Variants in ZNF615 observed in about 807,000 individuals in gnomAD.
ZNF615 encodes the protein zinc finger protein 615.
A neutral mutation model predicts 15.3 loss-of-function variants in ZNF615; 15 were observed. The observed-to-expected ratio is 0.98, with a 90% CI of 0.66 to 1.51. The LOEUF (loss-of-function observed/expected upper bound fraction) is 1.51, where lower values mean the gene tolerates loss of function less well. Among genes scored for constraint, ZNF615 ranks in the 40% most tolerant of loss-of-function variants. The pLI, the probability that ZNF615 is intolerant of heterozygous loss-of-function variation, is 0.00. For missense variants in ZNF615, 848 were observed against 895.9 expected, an observed-to-expected ratio of 0.95 and a Z score of 0.68; for synonymous variants, 268 against 294.6, an observed-to-expected ratio of 0.91 and a Z score of 0.92.
At chr19:52,000,927 C>CAAAAA (rs1246526606) in intron 5 of ZNF615, among the ~76,000 whole-genome samples, 1 of 137,700 alleles carries the variant, frequency 7.3e-6, no homozygotes, top group Non-Finnish European at 1.6e-5. Context: ...ACCTTCTTTC[C>CAAAAA]AAAAAAAAAA....
At chr19:51,995,059 A>G (rs796757341) in intron 6 of ZNF615, among the ~76,000 whole-genome samples, 1 of 152,194 alleles carries the variant, frequency 6.6e-6, no homozygotes, top group East Asian at 1.9e-4. Flanking sequence ...GGGCAGTTTT[A>G]TAGCATTTGG....
At chr19:51,996,407 A>AAC (rs1568500215) in intron 6 of ZNF615, among the ~76,000 whole-genome samples, 21 of 138,358 alleles carry the variant, frequency 1.5e-4, no homozygotes, top group South Asian at 2.7e-4. Flanking sequence ...AAAAAAAAAA[A>AAC]ACGCAAAACT....
rs764758776 is a variant in ZNF615, at chr19:51,994,078, G to A, written c.1031C>T (p.Thr344Ile). ...TTCTCCTGTATGAGTTTTCTGATGT[G>A]TAGTGAGACTGAACTTTGTAGAGAA... ...KAFSTKFSLT[T>I]HQKTHTGEKP... is the part of the protein sequence containing the mutation. The change falls in exon 7 of 7, where the codon ACA (threonine) becomes ATA (isoleucine). Residue 344 changes from threonine to isoleucine, a missense_variant. Transcript: ENST00000598071. 108 of 1,613,842 alleles carry A rather than the reference G, an allele frequency of 6.7e-5. No homozygotes were observed. Among genetic ancestry groups the A allele is most frequent in the Non-Finnish European group, 8.6e-5 (102 of 1,179,992 alleles).
Position 52,001,824 on chromosome 19 carries a change from C to G in ZNF615, c.227G>C (p.Arg76Pro). 1 of 1,613,938 alleles carries G rather than the reference C, an allele frequency of 6.2e-7. No individual in the cohort carries two copies. The highest frequency in any genetic ancestry group is 8.5e-7 in the Non-Finnish European group (1 of 1,179,928). Residue 76 changes from arginine to proline, a missense_variant, in exon 5 of 7, where the codon CGA becomes CCA. Physicochemically the swap from Arg to Pro is moderately radical, Grantham distance 103. Coordinates refer to ENST00000598071, the MANE Select transcript of ZNF615 (RefSeq NM_001199324.2). ...CTCCTCTCACTCACCAGAACAGATT[C>G]GAGAGTAGATTTCATCTTCTGTTGT... ...TCTTEDEIYS[R>P]ICSDSGGASG...
At chr19:52,001,980 A>G (rs2304144) in intron 4 of ZNF615, 72 bp from the exon 5 acceptor site, 133,679 of 1,600,290 alleles carry the variant, frequency 0.084, 7,687 homozygotes, top group South Asian at 0.22. Flanking sequence ...GGAGAGTTAC[A>G]TTTTAAGGAC....
intron 5 of ZNF615, 181 bp downstream of exon 5, chr19:52,001,632 A>AGG: frequency 1.7e-6 from 1 of 573,362 alleles, no homozygotes; most frequent in South Asian, 2.2e-5. Flanking sequence ...AAAAAAAAAA[A>AGG]AAAGAAAAGA....
chr19:52,005,222 G>A (rs1320799230), intron 2 of ZNF615, among the ~76,000 whole-genome samples: 3 of 152,152 alleles, frequency 2.0e-5, no homozygotes, highest in Admixed American at 1.3e-4. Flanking sequence ...TTGTGCCATT[G>A]CACTCCAGCC....
At chr19:51,994,900 A>AT in intron 6 of ZNF615, 63 bp from the exon 7 acceptor site, 1 of 1,448,656 alleles carries the variant, frequency 6.9e-7, no homozygotes, top group East Asian at 2.4e-5. Context: ...TATTTAAACT[A>AT]TTTTTTAAAA....
intron 2 of ZNF615, among the ~76,000 whole-genome samples, chr19:52,006,215 A>G (rs1426086787): frequency 1.3e-5 from 2 of 152,226 alleles, no homozygotes; most frequent in Non-Finnish European, 2.9e-5. Context: ...TAGTTCAGTA[A>G]TATAAGTTTA....
rs752854015 is a variant in ZNF615 at position 51,994,500 on chromosome 19, A to T, written c.609T>A (p.Ile203=). The T allele has an allele frequency of 9.3e-6, 15 of 1,614,080 alleles. No homozygotes were observed. In the East Asian group the frequency reaches 3.3e-4, roughly 36 times the overall value. ...CTATGTTGTGAGTTCTCTGTTGCTT[A>T]ATGAACTGGGACTTATTAATAGGTT... ...IAKPINKSQF[I]KQQRTHNIEN... is the part of the protein sequence containing the mutation. Residue 203 remains isoleucine, a synonymous_variant, in exon 7 of 7, where the codon ATT becomes ATA. Coordinates refer to ENST00000598071, the MANE Select transcript of ZNF615 (RefSeq NM_001199324.2).
rs377012505 is a variant in ZNF615, at chr19:52,003,749, G to T, written c.-38C>A. 1.2e-6 allele frequency: 2 copies of T among 1,609,756 alleles called. No homozygotes were observed. The highest frequency in any genetic ancestry group is 1.7e-6 in the Non-Finnish European group (2 of 1,178,192). On this transcript the variant is annotated 5_prime_UTR_variant, in exon 3 of 7. Transcript: ENST00000598071. Reference sequence around the variant, plus strand: ...TTGGGAAATGACTGCTAACTTGGACGTTCTGTATTTGTCTCTTCTGAATCA... The same window carrying T: ...TTGGGAAATGACTGCTAACTTGGACTTTCTGTATTTGTCTCTTCTGAATCA...
At chr19:52,000,405 T>A (rs58197197) in intron 5 of ZNF615, 27 bp from the exon 6 acceptor site, 1 of 612,786 alleles carries the variant, frequency 1.6e-6, no homozygotes, top group South Asian at 2.0e-5. Context: ...AAAGATAAAA[T>A]AAAATTAAAA....
Position 51,993,724 on chromosome 19 carries a change from G to T in ZNF615, c.1385C>A (p.Thr462Asn). Residue 462 changes from threonine to asparagine, a missense_variant, in exon 7 of 7, where the codon ACT becomes AAT. Thr to Asn is a moderately conservative substitution (Grantham distance 65). Coordinates refer to ENST00000598071, the MANE Select transcript of ZNF615 (RefSeq NM_001199324.2). ...GGTGCATACATAGGGTTTCTCTCCA[G>T]TATGTGTTCGCTGATGTCTGATGAG... is the stretch of plus-strand genomic sequence containing the variant. Reference protein sequence around the residue: ...SPLIRHQRTHTGEKPYVCTEC... With the variant: ...SPLIRHQRTHNGEKPYVCTEC... 1 of 1,613,968 alleles carries T rather than the reference G, an allele frequency of 6.2e-7. No individual in the cohort carries two copies. Among genetic ancestry groups the T allele is most frequent in the Non-Finnish European group, 8.5e-7 (1 of 1,179,988 alleles).
chr19:52,002,423 TC>T, intron 3 of ZNF615, 142 bp from the exon 4 acceptor site: 1 of 1,208,758 alleles, frequency 8.3e-7, no homozygotes, highest in Non-Finnish European at 1.2e-6. Context: ...GAATAAGAAT[TC>T]CAGTAAAATA....
At chr19:51,995,505 G>T (rs2086391823) in intron 6 of ZNF615, among the ~76,000 whole-genome samples, 1 of 151,274 alleles carries the variant, frequency 6.6e-6, no homozygotes, top group African/African-American at 2.4e-5. Context: ...ACAAATGTTT[G>T]CTGAATGACA....
Position 52,000,354 on chromosome 19 carries a change from G to A in ZNF615, c.263C>T (p.Ala88Val). 1 of 630,444 alleles carries A rather than the reference G, an allele frequency of 1.6e-6. No homozygotes were observed. 39.1% of individuals were successfully genotyped at this position (630,444 alleles called of 1,614,324 possible). ...ATATCCATGAGACAAACCTGCATAT[G>A]CACCTCCTGATGCACCTCCTGAATC... The part of the protein sequence containing the change: ...CSDSGGASGG[A>V]YAEIRKIDDP... Residue 88 changes from alanine (A) to valine (V), a missense_variant, in exon 6 of 7, where the codon GCA becomes GTA. Coordinates refer to ENST00000598071, the MANE Select transcript of ZNF615 (RefSeq NM_001199324.2).
Position 52,002,174 on chromosome 19 carries a change from G to T in ZNF615, c.123C>A (p.Tyr41Ter), listed in dbSNP as rs1215261732. 1.2e-6 allele frequency: 2 copies of T among 1,614,194 alleles called. No homozygotes were observed. The highest frequency in any genetic ancestry group is 1.7e-6 in the Non-Finnish European group (2 of 1,180,028). The change falls in exon 4 of 7, where the codon TAC (tyrosine) becomes TAA (stop). Residue 41 changes from tyrosine to a stop codon, truncating the protein, a stop_gained. Coordinates refer to ENST00000598071, the MANE Select transcript of ZNF615 (RefSeq NM_001199324.2). LOFTEE classifies it high-confidence loss of function. ...DLYRDVMLEN[Y>*]SNLVAVGYQA... The stretch of plus-strand genomic sequence containing the variant: ...CCTCACCCACTGCCACCAGGTTGCT[G>T]TAGTTCTCCAACATCACGTCCCGGT...
In ZNF615 at chr19:51,991,864, G is replaced by A. The variant is rs2086244208; in HGVS notation, c.*1016C>T. The A allele has an allele frequency of 6.6e-6, 1 of 150,794 alleles. No individual in the cohort carries two copies. Among genetic ancestry groups the A allele is most frequent in the Admixed American group, 6.6e-5 (1 of 15,120 alleles). The allele number at this position is 150,794 out of a possible 1,614,324, so 9.3% of individuals were successfully genotyped here. A position where few individuals can be genotyped will look rare whatever the true frequency, so the allele number is the denominator to read the frequency against. On this transcript the variant is annotated 3_prime_UTR_variant, in exon 7 of 7. Transcript: ENST00000598071. ...TTTCCTGTATTTGGTAATGAACTAT[G>A]CTTATGTAAGTTGTTATCTTTGGAA... is the stretch of plus-strand genomic sequence containing the variant.
At position 51,992,594 on chromosome 19, in the gene ZNF615, C is replaced by A; in HGVS notation, c.*286G>T. ...GACGTTCCTATAATTATTACATTTC[C>A]ACGAATTAGTAGTTTATTCATGATC... On this transcript the variant is annotated 3_prime_UTR_variant, in exon 7 of 7. Transcript: ENST00000598071. The A allele has an allele frequency of 3.3e-6, 1 of 298,792 alleles. No individual in the cohort carries two copies. The highest frequency in any genetic ancestry group is 6.2e-6 in the Non-Finnish European group (1 of 161,954). 18.5% of individuals were successfully genotyped at this position (298,792 alleles called of 1,614,324 possible).
Sources: allele counts gnomAD v4.1 joint callset (sites outside exome capture counted in the v4.1 genomes callset), GRCh38; gene constraint gnomAD v4.1.1; transcripts MANE v1.5; gene names NCBI Gene and HGNC (gene_info 2026-07-23, HGNC 2026-07-21).